Variants in LVRN observed in about 807,000 individuals in gnomAD.
LVRN encodes the protein aminopeptidase Q.
A neutral mutation model predicts 111.4 loss-of-function variants in LVRN; 99 were observed. The ratio of observed to expected loss-of-function variants is 0.89; its 90% CI spans 0.76 to 1.05. The LOEUF (loss-of-function observed/expected upper bound fraction) is 1.05. Among genes scored for constraint, LVRN ranks in the 50% least tolerant of loss-of-function variants. LVRN has a pLI of 0.00. For missense variants in LVRN, 1,414 were observed against 1,206.8 expected, an observed-to-expected ratio of 1.17 and a Z score of -2.54; for synonymous variants, 488 against 449.5, an observed-to-expected ratio of 1.09 and a Z score of -1.08.
intron 15 of LVRN, among the ~76,000 whole-genome samples, chr5:116,012,867 C>T (rs1748520757): frequency 6.6e-6 from 1 of 152,162 alleles, no homozygotes; most frequent in Admixed American, 6.5e-5. Context: ...GAAATTCAGT[C>T]ATTATGCAGG....
At chr5:116,010,676 C>T (rs1314836843) in intron 13 of LVRN, 65 bp from the exon 14 acceptor site, 10 of 1,505,632 alleles carry the variant, frequency 6.6e-6, no homozygotes, top group African/African-American at 4.2e-5. Flanking sequence ...GAACAAATAT[C>T]GAACGTATGC....
chr5:115,977,851 A>G (rs1753480416), intron 1 of LVRN, among the ~76,000 whole-genome samples: 1 of 152,212 alleles, frequency 6.6e-6, no homozygotes, highest in Admixed American at 6.5e-5. Flanking sequence ...ACTTTTGTTC[A>G]AAGATTCCCA....
intron 18 of LVRN, 97 bp downstream of exon 18, chr5:116,015,862 C>G: frequency 1.4e-6 from 2 of 1,450,066 alleles, no homozygotes; most frequent in East Asian, 2.4e-5. Flanking sequence ...TTTAGTCTAG[C>G]TAGGCCACAA....
chr5:116,001,123 C>G lies in LVRN; in HGVS notation c.1704C>G (p.Asp568Glu). 6.2e-7 allele frequency: 1 copy of G among 1,613,348 alleles called. No individual in the cohort carries two copies. The highest frequency in any genetic ancestry group is 8.5e-7 in the Non-Finnish European group (1 of 1,179,814). ...CAGCAACAATAAAAAACATAATGGA[C>G]AGTTGGACACACCAGAGTGGTTTTC... ...ILPATIKNIM[D>E]SWTHQSGFPV... Residue 568 changes from aspartate (D) to glutamate (E), a missense_variant, in exon 10 of 20, where the codon GAC becomes GAG. Coordinates refer to ENST00000357872, the MANE Select transcript of LVRN (RefSeq NM_173800.5).
chr5:115,970,639 C>G (rs1490339385), intron 1 of LVRN, among the ~76,000 whole-genome samples: 1 of 152,156 alleles, frequency 6.6e-6, no homozygotes, highest in Non-Finnish European at 1.5e-5. Flanking sequence ...CTCACCTTGG[C>G]CTCCCAAAGT....
At chr5:116,009,984 C>G (rs1010198630) in intron 13 of LVRN, among the ~76,000 whole-genome samples, 1 of 152,128 alleles carries the variant, frequency 6.6e-6, no homozygotes, top group African/African-American at 2.4e-5. Flanking sequence ...GCATCGCATA[C>G]TACAGAAAAA....
intron 12 of LVRN, among the ~76,000 whole-genome samples, chr5:116,005,007 C>T (rs950857355): frequency 3.9e-5 from 6 of 151,978 alleles, no homozygotes; most frequent in South Asian, 2.1e-4. Context: ...CATGAAAGCA[C>T]GAGGTTATGT....
chr5:116,003,040 G>A, intron 11 of LVRN, 129 bp downstream of exon 11: 8 of 931,434 alleles, frequency 8.6e-6, no homozygotes, highest in Non-Finnish European at 4.7e-6. Flanking sequence ...GTAGAGCATA[G>A]AGTTTTAAAG....
chr5:115,986,915 G>A (rs1001683898), intron 3 of LVRN, among the ~76,000 whole-genome samples: 1 of 151,916 alleles, frequency 6.6e-6, no homozygotes, highest in East Asian at 1.9e-4. Flanking sequence ...TTAAATTAAC[G>A]GCATTCACAA....
intron 1 of LVRN, chr5:115,975,327 T>A: frequency 3.3e-6 from 1 of 299,470 alleles, no homozygotes; most frequent in Non-Finnish European, 6.4e-6. Context: ...CATCCAGTCT[T>A]TTGGGAGTTG....
chr5:115,987,040 T>A (rs1289947377), intron 3 of LVRN, among the ~76,000 whole-genome samples: 1 of 152,188 alleles, frequency 6.6e-6, no homozygotes, highest in South Asian at 2.1e-4. Context: ...CTTACTTTTT[T>A]TTTTTAGAGT....
rs1313489161 is a variant in LVRN at position 115,983,692 on chromosome 5, A to T, written c.838+263A>T. Among the ~76,000 whole-genome samples the T allele has an allele frequency of 5.9e-5, 9 of 152,302 alleles. No homozygotes were observed. The East Asian group carries it at 1.7e-3, about 29-fold the overall frequency. ...TGCCTGCCACTTAGTTTGGGCTTCA[A>T]CTGTTGATCATTAGTGATAACAAGC... On this transcript the variant is annotated intron_variant, in intron 2 of 19. Transcript: ENST00000357872.
chr5:115,979,188 A>G (rs913005912), intron 1 of LVRN, among the ~76,000 whole-genome samples: 7 of 152,136 alleles, frequency 4.6e-5, no homozygotes, highest in Non-Finnish European at 5.9e-5. Flanking sequence ...GACTGGCATG[A>G]GTCCCAAGGC....
chr5:115,981,373 C>T (rs1342705707), intron 1 of LVRN, among the ~76,000 whole-genome samples: 1 of 152,142 alleles, frequency 6.6e-6, no homozygotes, highest in Non-Finnish European at 1.5e-5. Context: ...TTCAAATTTA[C>T]CAGGGCGACG....
At chr5:115,964,547 G>T (rs1340503488) in intron 1 of LVRN, among the ~76,000 whole-genome samples, 1 of 151,978 alleles carries the variant, frequency 6.6e-6, no homozygotes, top group Non-Finnish European at 1.5e-5. Context: ...TGTAGGTCAG[G>T]GTGCAAAATA....
intron 1 of LVRN, among the ~76,000 whole-genome samples, chr5:115,969,390 T>C (rs1453258598): frequency 6.6e-6 from 1 of 152,222 alleles, no homozygotes; most frequent in African/African-American, 2.4e-5. Context: ...ATGTTTTCTC[T>C]GTGTGTTTCA....
At chr5:116,007,820 G>A (rs529380596) in intron 13 of LVRN, among the ~76,000 whole-genome samples, 1 of 152,266 alleles carries the variant, frequency 6.6e-6, no homozygotes, top group Admixed American at 6.5e-5. Flanking sequence ...TCACATTTTG[G>A]TAATTCTTAC....
chr5:115,993,703 A>C, intron 5 of LVRN, 38 bp from the exon 6 acceptor site: 1 of 1,343,496 alleles, frequency 7.4e-7, no homozygotes, highest in Non-Finnish European at 1.1e-6. Context: ...TAAAAATTAA[A>C]TTTAAGAAAG....
intron 10 of LVRN, among the ~76,000 whole-genome samples, chr5:116,001,829 A>T (rs1748245115): frequency 6.6e-6 from 1 of 152,186 alleles, no homozygotes; most frequent in Non-Finnish European, 1.5e-5. Flanking sequence ...AAGCTCTGTG[A>T]GTTTCAGTTG....
Sources: gnomAD v4.1 joint callset for allele counts (sites outside exome capture counted in the v4.1 genomes callset) on GRCh38, gnomAD v4.1.1 for gene constraint, MANE v1.5 for transcripts, NCBI Gene and HGNC (gene_info 2026-07-23, HGNC 2026-07-21) for gene names.